SHISA9: variants seen among roughly 807,000 people sequenced by gnomAD.
The protein encoded by SHISA9 is shisa family member 9.
SHISA9 carries 13 observed loss-of-function variants against 38.0 expected under a neutral mutation model. The ratio of observed to expected loss-of-function variants is 0.34; its 90% CI spans 0.22 to 0.54. The LOEUF is 0.54. SHISA9 is among the 20% of genes least tolerant of loss of function. The probability of loss-of-function intolerance (pLI) is 0.91; values close to 1 mark genes in which losing one functional copy is unlikely to be tolerated. For missense variants in SHISA9, 538 were observed against 575.8 expected (o/e 0.93, Z 0.67); for synonymous variants, 275 against 242.0 (o/e 1.14, Z -1.27).
chr16:13,189,012 A>G (rs1276912148), intron 2 of SHISA9, among the ~76,000 whole-genome samples: 1 of 152,184 alleles, frequency 6.6e-6, no homozygotes, highest in Non-Finnish European at 1.5e-5. Flanking sequence ...AGAGATCCCC[A>G]AGCCAAGAAA....
chr16:13,375,146 C>A, the SHISA9 span, among the ~76,000 whole-genome samples: 1 of 152,174 alleles, frequency 6.6e-6, no homozygotes, highest in African/African-American at 2.4e-5. Context: ...ATGGTAGTTT[C>A]TTTTGCTGTG....
intron 2 of SHISA9, among the ~76,000 whole-genome samples, chr16:13,196,852 G>A (rs990133371): frequency 5.3e-5 from 8 of 152,320 alleles, no homozygotes; most frequent in African/African-American, 1.9e-4. Flanking sequence ...CCAGCACTTT[G>A]GGAGACTGAG....
chr16:13,314,205 T>TA, the SHISA9 span, among the ~76,000 whole-genome samples: 7 of 151,482 alleles, frequency 4.6e-5, no homozygotes, highest in South Asian at 2.1e-4. Context: ...TTTATTTCAT[T>TA]TTTTTTTATT....
intron 2 of SHISA9, among the ~76,000 whole-genome samples, chr16:12,927,865 G>C (rs1414719186): frequency 1.3e-5 from 2 of 152,110 alleles, no homozygotes; most frequent in African/African-American, 4.8e-5. Flanking sequence ...TTTGGAGGTG[G>C]AGGGAGCTTT....
intron 2 of SHISA9, among the ~76,000 whole-genome samples, chr16:13,132,350 C>T (rs910073467): frequency 2.0e-5 from 3 of 152,132 alleles, no homozygotes; most frequent in Non-Finnish European, 4.4e-5. Flanking sequence ...GCTATTGCTG[C>T]TAATATTATT....
chr16:13,372,937 C>A, the SHISA9 span, among the ~76,000 whole-genome samples: 2 of 150,658 alleles, frequency 1.3e-5, no homozygotes, highest in Non-Finnish European at 2.9e-5. Flanking sequence ...AGTGTATGTA[C>A]CTCATAAATA....
the SHISA9 span, among the ~76,000 whole-genome samples, chr16:13,458,904 G>A: frequency 5.3e-5 from 8 of 150,672 alleles, no homozygotes; most frequent in Non-Finnish European, 1.2e-4. Context: ...TTTCGCTCTT[G>A]TTTCCCAGGC....
chr16:13,361,729 C>T, the SHISA9 span, among the ~76,000 whole-genome samples: 2 of 152,202 alleles, frequency 1.3e-5, no homozygotes, highest in African/African-American at 4.8e-5. Context: ...GTTGTTCCTT[C>T]CCATGCCATC....
the SHISA9 span, among the ~76,000 whole-genome samples, chr16:13,322,012 G>A: frequency 6.6e-6 from 1 of 152,164 alleles, no homozygotes; most frequent in Admixed American, 6.5e-5. Flanking sequence ...CAATAAAATT[G>A]TGATTATATA....
At chr16:13,422,686 ACT>A in the SHISA9 span, among the ~76,000 whole-genome samples, 2 of 151,328 alleles carry the variant, frequency 1.3e-5, no homozygotes, top group East Asian at 2.0e-4. Context: ...AAAGAGTGAG[ACT>A]CTGTCTCAAA....
intron 2 of SHISA9, among the ~76,000 whole-genome samples, chr16:13,103,067 C>G (rs943417648): frequency 6.6e-6 from 1 of 152,154 alleles, no homozygotes; most frequent in African/African-American, 2.4e-5. Context: ...CTCTCAACAG[C>G]CTGAGAGTAG....
At chr16:13,107,651 A>G (rs937904415) in intron 2 of SHISA9, among the ~76,000 whole-genome samples, 6 of 152,096 alleles carry the variant, frequency 3.9e-5, no homozygotes, top group South Asian at 2.1e-4. Flanking sequence ...TTTCATTACT[A>G]AGACAGCTGC....
the SHISA9 span, among the ~76,000 whole-genome samples, chr16:13,415,284 G>A: frequency 6.6e-6 from 1 of 152,186 alleles, no homozygotes; most frequent in Non-Finnish European, 1.5e-5. Context: ...GTGCTTTGCA[G>A]AAACATGGAT....
At chr16:13,386,943 A>C in the SHISA9 span, among the ~76,000 whole-genome samples, 1 of 152,330 alleles carries the variant, frequency 6.6e-6, no homozygotes, top group East Asian at 1.9e-4. Flanking sequence ...TGGGCTACAT[A>C]TGAGAAATAG....
intron 2 of SHISA9, among the ~76,000 whole-genome samples, chr16:13,154,655 C>A (rs2050527697): frequency 6.6e-6 from 1 of 152,180 alleles, no homozygotes; most frequent in Non-Finnish European, 1.5e-5. Context: ...GCAGCATAAT[C>A]CTGTCTAATA....
At chr16:13,536,076 G>T in the SHISA9 span, among the ~76,000 whole-genome samples, 42 of 150,316 alleles carry the variant, frequency 2.8e-4, no homozygotes, top group Middle Eastern at 3.4e-3. Flanking sequence ...TCGGCTCACC[G>T]CAACCTCCGC....
intron 2 of SHISA9, among the ~76,000 whole-genome samples, chr16:13,146,026 A>G (rs1402754342): frequency 6.6e-6 from 1 of 152,212 alleles, no homozygotes; most frequent in Non-Finnish European, 1.5e-5. Flanking sequence ...TGTCTTTACT[A>G]AAGATACAAA....
the SHISA9 span, among the ~76,000 whole-genome samples, chr16:13,248,332 C>G: frequency 6.6e-6 from 1 of 152,092 alleles, no homozygotes; most frequent in Non-Finnish European, 1.5e-5. Flanking sequence ...CTTGAGGGTG[C>G]AAGAATCCCT....
At chr16:13,417,863 G>T in the SHISA9 span, among the ~76,000 whole-genome samples, 4 of 152,324 alleles carry the variant, frequency 2.6e-5, no homozygotes, top group Middle Eastern at 3.4e-3. Flanking sequence ...TCGAATGCTG[G>T]CATCAAACAG....
Sources: allele counts gnomAD v4.1 joint callset (sites outside exome capture counted in the v4.1 genomes callset), GRCh38; gene constraint gnomAD v4.1.1; transcripts MANE v1.5; gene names NCBI Gene and HGNC (gene_info 2026-07-23, HGNC 2026-07-21).